The following SPINK8 variants were observed in gnomAD, a reference collection of about 807,000 sequenced individuals.
The protein encoded by SPINK8 is serine protease inhibitor Kazal-type 8.
SPINK8 carries 12 observed loss-of-function variants against 14.4 expected under a neutral mutation model. The ratio of observed to expected loss-of-function variants is 0.83; its 90% CI spans 0.53 to 1.35. The LOEUF is 1.35. Ranked by LOEUF, SPINK8 falls within the 40% of genes most tolerant of loss-of-function variation. The pLI is 0.00. For synonymous variants in SPINK8, 32 were observed against 37.6 expected, an observed-to-expected ratio of 0.85 and a Z score of 0.55; for missense variants, 103 against 117.0, an observed-to-expected ratio of 0.88 and a Z score of 0.55.
intron 5 of SPINK8, among the ~76,000 whole-genome samples, chr3:48,320,591 T>G (rs997544895): frequency 6.6e-5 from 10 of 151,560 alleles, no homozygotes; most frequent in African/African-American, 2.2e-4. Flanking sequence ...ATGTGGTGCC[T>G]CAGATGGCAG....
chr3:48,309,770 G>A, intron 7 of SPINK8, 134 bp downstream of exon 7: 2 of 1,244,506 alleles, frequency 1.6e-6, no homozygotes, highest in East Asian at 3.5e-5. Flanking sequence ...AGGCTTATGG[G>A]ATCTATTATT....
chr3:48,317,894 C>G (rs1360731195), intron 6 of SPINK8, among the ~76,000 whole-genome samples: 1 of 152,208 alleles, frequency 6.6e-6, no homozygotes, highest in East Asian at 1.9e-4. Context: ...GCAGGTGCCA[C>G]CATGCCTGGC....
intron 6 of SPINK8, among the ~76,000 whole-genome samples, chr3:48,315,612 T>A (rs1261338378): frequency 6.7e-6 from 1 of 149,848 alleles, no homozygotes; most frequent in African/African-American, 2.5e-5. Flanking sequence ...TCCCAGCTAC[T>A]TGGGAGGCTG....
chr3:48,329,411 C>G (rs1346949347), intron 2 of SPINK8, among the ~76,000 whole-genome samples, 137 bp from the exon 3 acceptor site: 4 of 152,176 alleles, frequency 2.6e-5, no homozygotes, highest in African/African-American at 9.7e-5. Flanking sequence ...TATGTACTGT[C>G]CAGTACTACT....
chr3:48,330,778 G>T, intron 2 of SPINK8, among the ~76,000 whole-genome samples: 1 of 142,114 alleles, frequency 7.0e-6, no homozygotes, highest in African/African-American at 2.5e-5. Flanking sequence ...TTAAACGTGG[G>T]TGCGTTCACC....
At chr3:48,331,493 T>C (rs2107118118) in intron 2 of SPINK8, among the ~76,000 whole-genome samples, 1 of 152,348 alleles carries the variant, frequency 6.6e-6, no homozygotes, top group African/African-American at 2.4e-5. Flanking sequence ...GATAATCTTC[T>C]AATGGCTTCC....
chr3:48,322,305 C>T (rs917443078), intron 4 of SPINK8, among the ~76,000 whole-genome samples: 2 of 151,912 alleles, frequency 1.3e-5, no homozygotes, highest in African/African-American at 4.8e-5. Context: ...CCCACCCTCG[C>T]CCCTGAAAAA....
chr3:48,310,546 G>A (rs887076424), intron 6 of SPINK8, among the ~76,000 whole-genome samples: 2 of 140,390 alleles, frequency 1.4e-5, no homozygotes, highest in Admixed American at 1.4e-4. Context: ...TGCCCAGGCT[G>A]GAGTGCAGTG....
Position 48,307,015 on chromosome 3 carries a change from G to A in SPINK8, c.283-12C>T. 4.3e-6 allele frequency: 7 copies of A among 1,612,668 alleles called. No individual in the cohort carries two copies. Among genetic ancestry groups the A allele is most frequent in the Non-Finnish European group, 5.9e-6 (7 of 1,179,242 alleles). ...GTTCAAGAGTTTTCCTGCAAGAGAA[G>A]TATCTGCTTAGAGAAATCAAATTTG... On this transcript the variant is annotated splice_polypyrimidine_tract_variant and intron_variant, in intron 7 of 7. Coordinates refer to ENST00000434006, the MANE Select transcript of SPINK8 (RefSeq NM_001080525.3).
intron 4 of SPINK8, among the ~76,000 whole-genome samples, chr3:48,321,786 C>T (rs2036079529): frequency 6.6e-6 from 1 of 151,350 alleles, no homozygotes; most frequent in South Asian, 2.1e-4. Context: ...TACACTTCAG[C>T]GTGGGTGAAA....
chr3:48,311,758 G>A (rs2035926810), intron 6 of SPINK8, among the ~76,000 whole-genome samples: 2 of 150,184 alleles, frequency 1.3e-5, no homozygotes, highest in Non-Finnish European at 3.0e-5. Context: ...ATAAATGAAT[G>A]ACATCCCATG....
In SPINK8 at chr3:48,310,804, A is replaced by C. The variant is rs1453526858; in HGVS notation, c.240-858T>G. On this transcript the variant is annotated intron_variant, in intron 6 of 7. Coordinates refer to ENST00000434006, the MANE Select transcript of SPINK8 (RefSeq NM_001080525.3). Reference sequence around the variant, plus strand: ...ATGAGCCACTGCACCTGGCCTACCAAATATTTTTAAAAGATTTAGTACCAA... The same window carrying C: ...ATGAGCCACTGCACCTGGCCTACCACATATTTTTAAAAGATTTAGTACCAA... Among the ~76,000 whole-genome samples, 3 of 152,140 alleles carry C rather than the reference A, an allele frequency of 2.0e-5. No homozygotes were observed. In the East Asian group the frequency reaches 5.8e-4, roughly 29 times the overall value.
At chr3:48,307,452 C>A (rs909664710) in intron 7 of SPINK8, among the ~76,000 whole-genome samples, 1 of 150,806 alleles carries the variant, frequency 6.6e-6, no homozygotes, top group Non-Finnish European at 1.5e-5. Context: ...ACTTCCTCTT[C>A]CTCCCTATCC....
intron 6 of SPINK8, among the ~76,000 whole-genome samples, chr3:48,313,375 T>A (rs1464878449): frequency 1.3e-5 from 2 of 152,188 alleles, no homozygotes; most frequent in Non-Finnish European, 2.9e-5. Context: ...CATAAGAAGA[T>A]GTCCAACCTC....
chr3:48,311,533 G>T (rs1317383583), intron 6 of SPINK8, among the ~76,000 whole-genome samples: 1 of 152,160 alleles, frequency 6.6e-6, no homozygotes, highest in Admixed American at 6.5e-5. Flanking sequence ...AATAAATTCA[G>T]CAAGTTGCAG....
intron 6 of SPINK8, among the ~76,000 whole-genome samples, chr3:48,317,872 C>G (rs2036014946): frequency 6.6e-6 from 1 of 152,046 alleles, no homozygotes; most frequent in Non-Finnish European, 1.5e-5. Flanking sequence ...TTCCAAGTAG[C>G]TAGGACTACA....
intron 7 of SPINK8, 36 bp from the exon 8 acceptor site, chr3:48,307,039 T>G: frequency 1.2e-6 from 2 of 1,608,448 alleles, no homozygotes; most frequent in Non-Finnish European, 1.7e-6. Flanking sequence ...AAATCAAATT[T>G]GAGGAAGTTA....
At chr3:48,312,812 C>T (rs2035938691) in intron 6 of SPINK8, among the ~76,000 whole-genome samples, 1 of 151,998 alleles carries the variant, frequency 6.6e-6, no homozygotes, top group African/African-American at 2.4e-5. Context: ...GCCTGGCCAG[C>T]ATGGTGAAAC....
At chr3:48,333,056 G>A (rs994277761) in intron 1 of SPINK8, among the ~76,000 whole-genome samples, 3 of 151,952 alleles carry the variant, frequency 2.0e-5, no homozygotes, top group African/African-American at 4.8e-5. Flanking sequence ...CCGGGGGAAC[G>A]CCGGGGCAGG....
Sources: allele counts gnomAD v4.1 joint callset (sites outside exome capture counted in the v4.1 genomes callset), GRCh38; gene constraint gnomAD v4.1.1; transcripts MANE v1.5; gene names NCBI Gene and HGNC (gene_info 2026-07-23, HGNC 2026-07-21).